MAGI3: variants seen among roughly 807,000 people sequenced by gnomAD.
MAGI3 encodes the protein membrane-associated guanylate kinase, WW and PDZ domain-containing protein 3.
In MAGI3, 43 loss-of-function variants were observed where a neutral mutation model predicts 121.8. The ratio of observed to expected loss-of-function variants is 0.35; its 90% CI spans 0.28 to 0.46. The LOEUF (loss-of-function observed/expected upper bound fraction) is 0.46, where lower values mean the gene tolerates loss of function less well. MAGI3 is among the 20% of genes least tolerant of loss of function. The pLI, the probability that MAGI3 is intolerant of heterozygous loss-of-function variation, is 1.00. For missense variants in MAGI3, 1,547 were observed against 1,797.3 expected (o/e 0.86, Z 2.52); for synonymous variants, 553 against 639.3 (o/e 0.86, Z 2.04).
intron 9 of MAGI3, among the ~76,000 whole-genome samples, chr1:113,628,571 A>AC (rs1426999686): frequency 2.0e-5 from 3 of 150,932 alleles, no homozygotes; most frequent in African/African-American, 7.3e-5. Flanking sequence ...GCATTGAAGA[A>AC]CCCCCTTTAG....
chr1:113,552,499 T>C (rs2101674502), intron 2 of MAGI3, among the ~76,000 whole-genome samples: 4 of 152,350 alleles, frequency 2.6e-5, no homozygotes, highest in Middle Eastern at 6.8e-3. Context: ...TCATTTTTAG[T>C]TTCATAGCTC....
intron 1 of MAGI3, among the ~76,000 whole-genome samples, chr1:113,548,101 A>G (rs951531757): frequency 1.3e-5 from 2 of 152,256 alleles, no homozygotes; most frequent in African/African-American, 4.8e-5. Context: ...TTGTGGAATA[A>G]TAGTTAAAAA....
At chr1:113,669,110 C>T (rs1228716130) in intron 16 of MAGI3, among the ~76,000 whole-genome samples, 1 of 152,180 alleles carries the variant, frequency 6.6e-6, no homozygotes, top group African/African-American at 2.4e-5. Flanking sequence ...ATCTCATTGG[C>T]AAATGGAATT....
chr1:113,606,388 A>G (rs1171118171), intron 6 of MAGI3, among the ~76,000 whole-genome samples: 1 of 152,078 alleles, frequency 6.6e-6, no homozygotes, highest in African/African-American at 2.4e-5. Flanking sequence ...AATACTATAG[A>G]ATTTGACTTT....
chr1:113,416,314 T>TTATGTAATTAAC (rs1652380299), intron 1 of MAGI3, among the ~76,000 whole-genome samples: 3 of 131,716 alleles, frequency 2.3e-5, no homozygotes, highest in African/African-American at 5.6e-5. Flanking sequence ...ATGTAATTAA[T>TTATGTAATTAAC]TATGTAATTA....
rs572904818 is a variant in MAGI3, at chr1:113,530,857, C to T, written c.317-18658C>T. 1.2e-3 allele frequency among the ~76,000 whole-genome samples: 178 copies of T among 152,062 alleles called. 6 individuals carry two copies. The highest frequency in any genetic ancestry group is 8.0e-3 in the Admixed American group (122 of 15,266). On this transcript the variant is annotated intron_variant, in intron 1 of 20. Coordinates refer to ENST00000307546, the MANE Select transcript of MAGI3 (RefSeq NM_001142782.2). ...CTTGAGCCTAGGGGGTCGAGGCTGCCGTAAGCTGTGATTGTACTACTGCAC... is the reference window on the plus strand; with the variant it reads ...CTTGAGCCTAGGGGGTCGAGGCTGCTGTAAGCTGTGATTGTACTACTGCAC...
chr1:113,479,134 G>T (rs1041065732), intron 1 of MAGI3, among the ~76,000 whole-genome samples: 5 of 152,202 alleles, frequency 3.3e-5, no homozygotes, highest in African/African-American at 1.2e-4. Flanking sequence ...GGAGTGTCCT[G>T]TTTTTCTAGG....
chr1:113,662,408 A>G (rs1244048755), intron 16 of MAGI3, among the ~76,000 whole-genome samples: 3 of 152,174 alleles, frequency 2.0e-5, no homozygotes, highest in East Asian at 1.9e-4. Context: ...TAAATTTACT[A>G]TATCTGGTAG....
chr1:113,507,428 C>G (rs754752674), intron 1 of MAGI3, among the ~76,000 whole-genome samples: 1 of 152,102 alleles, frequency 6.6e-6, no homozygotes, highest in Non-Finnish European at 1.5e-5. Context: ...AAACGGTAAG[C>G]AGAAGGTTTG....
intron 1 of MAGI3, among the ~76,000 whole-genome samples, chr1:113,494,770 T>G (rs1216009663): frequency 6.6e-6 from 1 of 152,224 alleles, no homozygotes; most frequent in African/African-American, 2.4e-5. Flanking sequence ...CTTTTGAATT[T>G]TGATTGCTCA....
At chr1:113,663,025 A>C (rs1376512292) in intron 16 of MAGI3, among the ~76,000 whole-genome samples, 3 of 152,156 alleles carry the variant, frequency 2.0e-5, no homozygotes, top group Admixed American at 1.3e-4. Context: ...CGGGAGTTCA[A>C]GACCAACCTG....
chr1:113,564,905 A>G (rs1402024422), intron 2 of MAGI3, among the ~76,000 whole-genome samples: 3 of 152,044 alleles, frequency 2.0e-5, no homozygotes, highest in Admixed American at 1.3e-4. Flanking sequence ...GCTAGAGTAC[A>G]GTGGCACGAT....
chr1:113,631,021 A>G (rs1156390689), intron 9 of MAGI3, among the ~76,000 whole-genome samples: 1 of 152,074 alleles, frequency 6.6e-6, no homozygotes, highest in African/African-American at 2.4e-5. Context: ...CAATTCCCCT[A>G]TGGCTAGGGT....
Position 113,684,135 on chromosome 1 carries a change from C to A in MAGI3, c.*121C>A. On this transcript the variant is annotated 3_prime_UTR_variant, in exon 21 of 21. Transcript: ENST00000307546. The stretch of plus-strand genomic sequence containing the variant: ...ACAGATAAGTACATGTTAATGTGAG[C>A]CTCAAGTTACCTAGGCTGCATGAAG... 1.8e-6 allele frequency: 2 copies of A among 1,102,918 alleles called. No homozygotes were observed. Among genetic ancestry groups the A allele is most frequent in the Non-Finnish European group, 2.5e-6 (2 of 806,714 alleles). 68.3% of individuals were successfully genotyped at this position (1,102,918 alleles called of 1,614,324 possible).
chr1:113,520,463 C>A (rs1402825898), intron 1 of MAGI3, among the ~76,000 whole-genome samples: 1 of 151,906 alleles, frequency 6.6e-6, no homozygotes, highest in Admixed American at 6.6e-5. Context: ...ATTATTTTGT[C>A]AAATTGTATT....
chr1:113,636,621 A>T (rs990544758), intron 9 of MAGI3, among the ~76,000 whole-genome samples: 3,244 of 152,060 alleles, frequency 0.021, 111 homozygotes, highest in African/African-American at 0.074. Flanking sequence ...GTTCTTTTAC[A>T]TTTGCTGAGG....
At chr1:113,679,521 T>G (rs1393779321) in intron 19 of MAGI3, among the ~76,000 whole-genome samples, 1 of 152,154 alleles carries the variant, frequency 6.6e-6, no homozygotes, top group Non-Finnish European at 1.5e-5. Flanking sequence ...CAACATGTGT[T>G]TGCTTGAAAT....
chr1:113,617,973 C>T (rs1007581793), intron 7 of MAGI3, among the ~76,000 whole-genome samples: 2 of 152,138 alleles, frequency 1.3e-5, no homozygotes, highest in Non-Finnish European at 1.5e-5. Context: ...TAAGTAACTA[C>T]GTCTGTTGTG....
chr1:113,543,731 G>T (rs1659397865), intron 1 of MAGI3, among the ~76,000 whole-genome samples: 1 of 152,056 alleles, frequency 6.6e-6, no homozygotes, highest in Admixed American at 6.6e-5. Flanking sequence ...AACCTGGCCT[G>T]GTGGCGTGTG....
Sources: gnomAD v4.1 joint callset for allele counts (sites outside exome capture counted in the v4.1 genomes callset) on GRCh38, gnomAD v4.1.1 for gene constraint, MANE v1.5 for transcripts, NCBI Gene and HGNC (gene_info 2026-07-23, HGNC 2026-07-21) for gene names.